Variants in ABLIM1 observed in about 807,000 individuals in gnomAD.
ABLIM1 encodes actin binding LIM protein 1.
Under a neutral mutation model 107.0 loss-of-function variants are expected in ABLIM1, and 40 were observed. That is an observed-to-expected ratio of 0.37 (90% CI 0.29 to 0.49). The LOEUF (loss-of-function observed/expected upper bound fraction) is 0.49, where lower values mean the gene tolerates loss of function less well. Ranked by LOEUF, ABLIM1 falls within the 20% of genes least tolerant of loss-of-function variation. The pLI is 0.97. For missense variants in ABLIM1, 857 were observed against 1,008.5 expected (o/e 0.85, Z 2.04); for synonymous variants, 357 against 357.3 (o/e 1.00, Z 0.01).
intron 1 of ABLIM1, among the ~76,000 whole-genome samples, chr10:114,744,518 C>T (rs539837895): frequency 6.6e-6 from 1 of 152,142 alleles, no homozygotes; most frequent in Non-Finnish European, 1.5e-5. Context: ...TGGTGGCATG[C>T]GCCTGGTGTC....
intron 4 of ABLIM1, among the ~76,000 whole-genome samples, chr10:114,549,099 C>A (rs542647582): frequency 2.8e-4 from 42 of 152,242 alleles, no homozygotes; most frequent in African/African-American, 9.9e-4. Flanking sequence ...TTACCTAGCA[C>A]GTGGGCTGGG....
intron 2 of ABLIM1, among the ~76,000 whole-genome samples, chr10:114,601,268 T>C (rs987426180): frequency 1.3e-4 from 19 of 150,470 alleles, no homozygotes; most frequent in Non-Finnish European, 2.5e-4. Flanking sequence ...TTTCTTTCTT[T>C]TTTTTTTTTT....
At chr10:114,631,411 G>C (rs2078166748) in intron 1 of ABLIM1, among the ~76,000 whole-genome samples, 1 of 152,120 alleles carries the variant, frequency 6.6e-6, no homozygotes, top group African/African-American at 2.4e-5. Flanking sequence ...GGTTATACAC[G>C]CAGAGCACCT....
At chr10:114,770,848 T>C (rs990441642), upstream of ABLIM1, among the ~76,000 whole-genome samples, 3 of 152,204 alleles carry the variant, frequency 2.0e-5, no homozygotes, top group African/African-American at 7.2e-5. Flanking sequence ...ATTTATTTAT[T>C]TGAGACAGAG....
chr10:114,483,454 A>G (rs2497706), intron 8 of ABLIM1, among the ~76,000 whole-genome samples: 29,632 of 151,808 alleles, frequency 0.2, 3,471 homozygotes, highest in East Asian at 0.55. Flanking sequence ...GTATTTTTGG[A>G]AGGGTACATA....
intron 14 of ABLIM1, among the ~76,000 whole-genome samples, chr10:114,451,259 T>C (rs2061845979): frequency 6.6e-6 from 1 of 152,242 alleles, no homozygotes; most frequent in African/African-American, 2.4e-5. Flanking sequence ...TTTTCACCAG[T>C]TTAAATTAGT....
At chr10:114,571,502 T>C in intron 3 of ABLIM1, 96 bp from the exon 4 acceptor site, 2 of 1,218,130 alleles carry the variant, frequency 1.6e-6, no homozygotes, top group Admixed American at 3.9e-5. Context: ...CCCATTTATT[T>C]CTTGGAGAAG....
At chr10:114,769,694 A>G (rs534346020), upstream of ABLIM1, among the ~76,000 whole-genome samples, 1 of 152,344 alleles carries the variant, frequency 6.6e-6, no homozygotes, top group East Asian at 1.9e-4. Context: ...ATATTAAAAA[A>G]TAGGTGAACG....
At chr10:114,794,609 ATGC>A in the ABLIM1 span, among the ~76,000 whole-genome samples, 1 of 152,216 alleles carries the variant, frequency 6.6e-6, no homozygotes, top group Non-Finnish European at 1.5e-5. Context: ...GGGTTTCTTG[ATGC>A]TGATGTTTTT....
At chr10:114,631,755 G>C in intron 1 of ABLIM1, 4 of 791,668 alleles carry the variant, frequency 5.1e-6, no homozygotes, top group Non-Finnish European at 6.8e-6. Flanking sequence ...TGGGTTCGAT[G>C]GAAACCCAGA....
intron 1 of ABLIM1, among the ~76,000 whole-genome samples, chr10:114,730,539 T>G (rs1248778218): frequency 2.6e-5 from 4 of 151,886 alleles, no homozygotes; most frequent in Admixed American, 1.3e-4. Flanking sequence ...ATTACACAAA[T>G]TAGAGCTAAG....
chr10:114,501,774 C>A (rs114827820), intron 6 of ABLIM1, among the ~76,000 whole-genome samples: 19 of 152,296 alleles, frequency 1.2e-4, no homozygotes, highest in East Asian at 9.6e-4. Flanking sequence ...CAGTCTCCCC[C>A]ACTAAGAACG....
At chr10:114,591,463 T>C (rs568277588) in intron 2 of ABLIM1, among the ~76,000 whole-genome samples, 2 of 152,330 alleles carry the variant, frequency 1.3e-5, no homozygotes, top group Admixed American at 1.3e-4. Context: ...TATAATTAAA[T>C]TTGAGCTTTG....
intron 12 of ABLIM1, chr10:114,463,077 G>C (rs746184841): frequency 1.5e-6 from 2 of 1,342,646 alleles, no homozygotes; most frequent in Non-Finnish European, 2.0e-6. Context: ...GTGTCGGAAA[G>C]GGGGGTTGGG....
chr10:114,717,094 G>A (rs2081686627), intron 1 of ABLIM1, among the ~76,000 whole-genome samples: 1 of 152,056 alleles, frequency 6.6e-6, no homozygotes, highest in African/African-American at 2.4e-5. Context: ...CCCTAGTACT[G>A]CCTGGGGCTG....
At chr10:114,668,686 A>G (rs2080126914) in intron 1 of ABLIM1, among the ~76,000 whole-genome samples, 1 of 152,190 alleles carries the variant, frequency 6.6e-6, no homozygotes, top group Non-Finnish European at 1.5e-5. Context: ...AATCCCAAAG[A>G]TTAGAGACTG....
intron 9 of ABLIM1, 65 bp from the exon 10 acceptor site, chr10:114,473,197 G>T: frequency 6.8e-7 from 1 of 1,472,464 alleles, no homozygotes; most frequent in Non-Finnish European, 9.1e-7. Flanking sequence ...ACTGTAGTTG[G>T]CGCATTTCCT....
chr10:114,646,439 T>A (rs907304203), intron 1 of ABLIM1, among the ~76,000 whole-genome samples: 1 of 152,206 alleles, frequency 6.6e-6, no homozygotes, highest in African/African-American at 2.4e-5. Flanking sequence ...ATCTGCAATA[T>A]GCGAAGTATC....
At chr10:114,512,782 G>A (rs1027622275) in intron 6 of ABLIM1, among the ~76,000 whole-genome samples, 5 of 150,302 alleles carry the variant, frequency 3.3e-5, no homozygotes, top group African/African-American at 7.4e-5. Flanking sequence ...CCGAGATCGT[G>A]CCACTGCATT....
Sources: allele counts gnomAD v4.1 joint callset (sites outside exome capture counted in the v4.1 genomes callset), GRCh38; gene constraint gnomAD v4.1.1; transcripts MANE v1.5; gene names NCBI Gene and HGNC (gene_info 2026-07-23, HGNC 2026-07-21).